Variants in KCNQ5 observed in about 807,000 individuals in gnomAD.
KCNQ5 encodes the protein potassium voltage-gated channel subfamily KQT member 5.
Under a neutral mutation model 98.2 loss-of-function variants are expected in KCNQ5, and 30 were observed. The ratio of observed to expected loss-of-function variants is 0.31; its 90% confidence interval spans 0.23 to 0.41. The LOEUF (loss-of-function observed/expected upper bound fraction) is 0.41, where lower values mean the gene tolerates loss of function less well. KCNQ5 is among the 10% of genes least tolerant of loss of function. The probability of loss-of-function intolerance (pLI) is 1.00; values close to 1 mark genes in which losing one functional copy is unlikely to be tolerated. For missense variants in KCNQ5, 835 were observed against 1,182.5 expected (o/e 0.71, Z 4.31); for synonymous variants, 458 against 449.4 (o/e 1.02, Z -0.24).
At chr6:72,985,755 C>G (rs1018147386) in intron 1 of KCNQ5, among the ~76,000 whole-genome samples, 7 of 152,128 alleles carry the variant, frequency 4.6e-5, no homozygotes, top group African/African-American at 1.4e-4. Flanking sequence ...TTAGAGATTT[C>G]TTAAAGAACT....
intron 1 of KCNQ5, among the ~76,000 whole-genome samples, chr6:72,653,704 C>T (rs1765992484): frequency 6.6e-6 from 1 of 151,960 alleles, no homozygotes; most frequent in African/African-American, 2.4e-5. Flanking sequence ...GCTAAGGATA[C>T]TCATTTATCA....
At chr6:72,734,326 T>C (rs968300871) in intron 1 of KCNQ5, among the ~76,000 whole-genome samples, 21 of 151,960 alleles carry the variant, frequency 1.4e-4, no homozygotes, top group African/African-American at 4.8e-4. Flanking sequence ...GTTTGTTTGT[T>C]TGTTTGTTTG....
At chr6:73,074,021 A>C (rs971977940) in intron 3 of KCNQ5, among the ~76,000 whole-genome samples, 8 of 152,202 alleles carry the variant, frequency 5.3e-5, no homozygotes, top group Non-Finnish European at 1.2e-4. Flanking sequence ...TATCCCAGTC[A>C]ACAAGCCATT....
intron 1 of KCNQ5, among the ~76,000 whole-genome samples, chr6:72,760,462 GT>G (rs1772211335): frequency 6.6e-6 from 1 of 151,900 alleles, no homozygotes; most frequent in Admixed American, 6.6e-5. Context: ...GTGTGTGTGT[GT>G]GTGTGTGTGT....
chr6:73,052,084 C>G (rs1381126895), intron 3 of KCNQ5, among the ~76,000 whole-genome samples: 2 of 152,112 alleles, frequency 1.3e-5, no homozygotes, highest in African/African-American at 4.8e-5. Context: ...TTCAAGAATT[C>G]CAGAATACAA....
At chr6:73,073,497 C>G (rs1235066526) in intron 3 of KCNQ5, among the ~76,000 whole-genome samples, 1 of 152,150 alleles carries the variant, frequency 6.6e-6, no homozygotes, top group African/African-American at 2.4e-5. Flanking sequence ...TGCAAAATGT[C>G]TCCAGACATT....
intron 1 of KCNQ5, among the ~76,000 whole-genome samples, chr6:72,785,606 C>A (rs1431654469): frequency 6.6e-6 from 1 of 151,022 alleles, no homozygotes; most frequent in Non-Finnish European, 1.5e-5. Flanking sequence ...GCCAAGATCG[C>A]ACCATTGCAC....
At chr6:72,957,571 A>G (rs953410296) in intron 1 of KCNQ5, among the ~76,000 whole-genome samples, 46 of 152,150 alleles carry the variant, frequency 3.0e-4, no homozygotes, top group Non-Finnish European at 5.3e-4. Flanking sequence ...TTTTTAAAAT[A>G]CGCCCCTGAT....
At chr6:72,908,049 AAT>A in intron 1 of KCNQ5, among the ~76,000 whole-genome samples, 1 of 152,234 alleles carries the variant, frequency 6.6e-6, no homozygotes, top group Non-Finnish European at 1.5e-5. Flanking sequence ...TTGAAATTTT[AAT>A]ATATAGGAAC....
intron 6 of KCNQ5, among the ~76,000 whole-genome samples, chr6:73,106,632 G>T (rs927433316): frequency 1.3e-5 from 2 of 152,148 alleles, no homozygotes; most frequent in Non-Finnish European, 2.9e-5. Flanking sequence ...AGTCATATTT[G>T]ATTAGGGTCC....
chr6:72,951,854 T>C (rs1766824387), intron 1 of KCNQ5, among the ~76,000 whole-genome samples: 2 of 152,320 alleles, frequency 1.3e-5, no homozygotes, highest in African/African-American at 4.8e-5. Flanking sequence ...AAGAGTGTAA[T>C]GTACTTCTAG....
At chr6:72,789,164 T>A (rs1206691855) in intron 1 of KCNQ5, among the ~76,000 whole-genome samples, 1 of 152,076 alleles carries the variant, frequency 6.6e-6, no homozygotes, top group South Asian at 2.1e-4. Context: ...TGTGTGTGTG[T>A]GTGTGTGTGT....
chr6:73,172,285 C>A (rs956040374), intron 11 of KCNQ5, among the ~76,000 whole-genome samples: 8 of 152,108 alleles, frequency 5.3e-5, no homozygotes, highest in African/African-American at 1.9e-4. Flanking sequence ...GTCGCTTGAA[C>A]CCAGGAGGCA....
intron 1 of KCNQ5, among the ~76,000 whole-genome samples, chr6:72,933,533 T>C (rs1226795444): frequency 1.3e-5 from 2 of 152,222 alleles, no homozygotes; most frequent in Admixed American, 1.3e-4. Context: ...CTCTGAGTAC[T>C]TATTAATGAT....
chr6:72,798,787 C>G (rs76738959), intron 1 of KCNQ5, among the ~76,000 whole-genome samples: 2,741 of 152,206 alleles, frequency 0.018, 32 homozygotes, highest in Non-Finnish European at 0.03. Flanking sequence ...ATTAATAGTC[C>G]TGAGATTGGC....
intron 1 of KCNQ5, among the ~76,000 whole-genome samples, chr6:72,874,711 C>A (rs188031371): frequency 6.6e-6 from 1 of 152,246 alleles, no homozygotes; most frequent in African/African-American, 2.4e-5. Context: ...CCTCACAGCA[C>A]ACAAGAAACT....
At chr6:72,643,862 AT>A (rs1350461064) in intron 1 of KCNQ5, among the ~76,000 whole-genome samples, 11 of 152,162 alleles carry the variant, frequency 7.2e-5, no homozygotes, top group Non-Finnish European at 1.5e-4. Flanking sequence ...TCCCTGAAAC[AT>A]TGTTTTCTAA....
intron 1 of KCNQ5, among the ~76,000 whole-genome samples, chr6:72,667,004 A>G (rs189993870): frequency 1.6e-4 from 24 of 152,246 alleles, no homozygotes; most frequent in African/African-American, 5.3e-4. Flanking sequence ...AACAACTTTT[A>G]AAAGATGTGT....
intron 1 of KCNQ5, among the ~76,000 whole-genome samples, chr6:72,687,583 T>C (rs957748809): frequency 1.3e-5 from 2 of 152,178 alleles, no homozygotes; most frequent in South Asian, 2.1e-4. Flanking sequence ...AAGAACATTA[T>C]GGGGATTTAA....
Sources: gnomAD v4.1 joint callset for allele counts (sites outside exome capture counted in the v4.1 genomes callset) on GRCh38, gnomAD v4.1.1 for gene constraint, MANE v1.5 for transcripts, NCBI Gene and HGNC (gene_info 2026-07-23, HGNC 2026-07-21) for gene names.